The following ZDHHC2 variants were observed in gnomAD, a reference collection of about 807,000 sequenced individuals.
ZDHHC2 encodes zDHHC palmitoyltransferase 2.
A neutral mutation model predicts 55.6 loss-of-function variants in ZDHHC2; 51 were observed. The ratio of observed to expected loss-of-function variants is 0.92; its 90% confidence interval spans 0.73 to 1.16. The LOEUF (loss-of-function observed/expected upper bound fraction) is 1.16. Among genes scored for constraint, ZDHHC2 ranks in the 50% most tolerant of loss-of-function variants. The pLI is 0.00. For synonymous variants in ZDHHC2, 199 were observed against 152.9 expected (o/e 1.30, Z -2.22); for missense variants, 491 against 442.4 (o/e 1.11, Z -0.99).
At chr8:17,176,640 T>G (rs1805147639) in intron 1 of ZDHHC2, among the ~76,000 whole-genome samples, 1 of 152,086 alleles carries the variant, frequency 6.6e-6, no homozygotes, top group Non-Finnish European at 1.5e-5. Flanking sequence ...TACCACCCAG[T>G]TCACTGCCAG....
In ZDHHC2 at chr8:17,222,492, T is replaced by TAA. The variant is rs1807965658; in HGVS notation, c.*2272_*2273dup. 6.6e-6 allele frequency: 1 copy of TAA among 151,922 alleles called. No homozygotes were observed. Among genetic ancestry groups the TAA allele is most frequent in the South Asian group, 2.1e-4 (1 of 4,838 alleles). 9.4% of individuals were successfully genotyped at this position (151,922 alleles called of 1,614,324 possible). On this transcript the variant is annotated 3_prime_UTR_variant, in exon 13 of 13. Coordinates refer to ENST00000262096, the MANE Select transcript of ZDHHC2 (RefSeq NM_016353.5). The stretch of plus-strand genomic sequence containing the variant: ...CTGTCCTTATTGTCCATTAAACTGA[T>TAA]AATTTTGATTTTTCTTGCTTTTATA...
chr8:17,208,031 C>A lies in ZDHHC2; in HGVS notation c.669C>A (p.Val223=). The A allele has an allele frequency of 6.3e-7, 1 of 1,594,286 alleles. No individual in the cohort carries two copies. The highest frequency in any genetic ancestry group is 8.6e-7 in the Non-Finnish European group (1 of 1,169,260). Residue 223 remains valine, a synonymous_variant, in exon 8 of 13, where the codon GTC becomes GTA. Transcript: ENST00000262096. ...TCTTTGCTGCAGCTATGTTTTCTGT[C>A]AGCTTGTCTTCTCTGTTTGGCTATC... ...FLFFAAAMFS[V]SLSSLFGYHC... is the part of the protein sequence containing the mutation.
intron 10 of ZDHHC2, among the ~76,000 whole-genome samples, chr8:17,214,742 C>A (rs1807563183): frequency 6.6e-6 from 1 of 151,850 alleles, no homozygotes; most frequent in South Asian, 2.1e-4. Flanking sequence ...GTCCACTCTA[C>A]AAAAAATAAA....
At chr8:17,196,279 C>A (rs1563158749) in intron 4 of ZDHHC2, among the ~76,000 whole-genome samples, 1 of 152,042 alleles carries the variant, frequency 6.6e-6, no homozygotes, top group Admixed American at 6.6e-5. Flanking sequence ...ATTATGGTAG[C>A]CGCTAGCCCC....
At chr8:17,199,306 A>G (rs1414118665) in intron 6 of ZDHHC2, among the ~76,000 whole-genome samples, 1 of 152,060 alleles carries the variant, frequency 6.6e-6, no homozygotes, top group Non-Finnish European at 1.5e-5. Context: ...AGGCTAGTCA[A>G]CCCATACAAG....
chr8:17,160,133 C>T (rs547117005), intron 1 of ZDHHC2, among the ~76,000 whole-genome samples: 2 of 152,314 alleles, frequency 1.3e-5, no homozygotes, highest in African/African-American at 2.4e-5. Flanking sequence ...GTGTTAACTT[C>T]GCTTGTTGAA....
Position 17,202,734 on chromosome 8 carries a change from T to C in ZDHHC2, c.477-2921T>C, listed in dbSNP as rs200630637. 6.8e-3 allele frequency among the ~76,000 whole-genome samples: 1,021 copies of C among 149,718 alleles called. 7 individuals are homozygous for C. The highest frequency in any genetic ancestry group is 0.014 in the Middle Eastern group (4 of 280). ...TATTTCTTCTAGTTATATATATATA[T>C]ACACACACACACACACACACATATA... On this transcript the variant is annotated intron_variant, in intron 6 of 12. Transcript: ENST00000262096.
chr8:17,206,052 C>T (rs181898855), intron 7 of ZDHHC2, among the ~76,000 whole-genome samples: 35 of 152,284 alleles, frequency 2.3e-4, no homozygotes, highest in African/African-American at 7.9e-4. Flanking sequence ...TTGAACAAGA[C>T]GATGCTTTTG....
intron 3 of ZDHHC2, among the ~76,000 whole-genome samples, chr8:17,195,199 T>C (rs1418830121): frequency 6.6e-6 from 1 of 152,210 alleles, no homozygotes; most frequent in Non-Finnish European, 1.5e-5. Context: ...ATGTAACTCA[T>C]ATTTTGTTGG....
In ZDHHC2 at chr8:17,189,527, G is replaced by A. The variant is rs953071587; in HGVS notation, c.252+3102G>A. Among the ~76,000 whole-genome samples the A allele has an allele frequency of 3.9e-5, 6 of 152,246 alleles. No individual in the cohort carries two copies. The East Asian group carries it at 9.6e-4, about 24-fold the overall frequency. ...AGAGATACTTTTTAAGTGACTAAAA[G>A]TAGGGAAGAAGTTATTCATACACAT... On this transcript the variant is annotated intron_variant, in intron 3 of 12. Coordinates refer to ENST00000262096, the MANE Select transcript of ZDHHC2 (RefSeq NM_016353.5).
chr8:17,210,428 C>A lies in ZDHHC2; in HGVS notation c.898C>A (p.Gln300Lys), dbSNP rs941799013. The stretch of plus-strand genomic sequence containing the variant: ...CTCCTTTCCAACTTGCCTTGTTAAC[C>A]AGGATCCTGAACAAGCATCTACTCC... ...GCSFPTCLVN[Q>K]DPEQASTPAG... The change falls in exon 10 of 13, where the codon CAG becomes AAG. Residue 300 changes from glutamine (Q) to lysine (K), a missense_variant. Physicochemically the swap from Gln to Lys is moderately conservative, Grantham distance 53 (BLOSUM62 1). Transcript: ENST00000262096. 3.7e-6 allele frequency: 6 copies of A among 1,613,068 alleles called. No individual in the cohort carries two copies. Among genetic ancestry groups the A allele is most frequent in the Non-Finnish European group, 4.2e-6 (5 of 1,179,502 alleles).
At chr8:17,193,485 C>T (rs1057361781) in intron 3 of ZDHHC2, among the ~76,000 whole-genome samples, 3 of 152,242 alleles carry the variant, frequency 2.0e-5, no homozygotes, top group East Asian at 3.9e-4. Flanking sequence ...CAGTCAGACC[C>T]GAAGTCAGGA....
chr8:17,204,563 TAGAA>T (rs1383995614), intron 6 of ZDHHC2, among the ~76,000 whole-genome samples: 2 of 152,012 alleles, frequency 1.3e-5, no homozygotes, highest in African/African-American at 4.8e-5. Context: ...AAAACTTTGA[TAGAA>T]AGAGAGTGAG....
Position 17,222,014 on chromosome 8 carries a change from C to CTGT in ZDHHC2, c.*1795_*1797dup, listed in dbSNP as rs1807941077. The CTGT allele has an allele frequency of 8.3e-6, 1 of 120,326 alleles. No individual in the cohort carries two copies. Among genetic ancestry groups the CTGT allele is most frequent in the Admixed American group, 9.5e-5 (1 of 10,550 alleles). The allele number at this position is 120,326 out of a possible 1,614,324, so 7.5% of individuals were successfully genotyped here. A position where few individuals can be genotyped will look rare whatever the true frequency, so the allele number is the denominator to read the frequency against. Reference sequence around the variant, plus strand: ...TTTTTTTTTTTTTCAAAGCACAGTACTGTTAGCTGTTTTTGTGGACAGGAT... The same window carrying CTGT: ...TTTTTTTTTTTTTCAAAGCACAGTACTGTTGTTAGCTGTTTTTGTGGACAGGAT... On this transcript the variant is annotated 3_prime_UTR_variant, in exon 13 of 13. Transcript: ENST00000262096.
intron 6 of ZDHHC2, among the ~76,000 whole-genome samples, chr8:17,199,742 C>G (rs1180427455): frequency 6.8e-6 from 1 of 146,504 alleles, no homozygotes; most frequent in Non-Finnish European, 1.5e-5. Context: ...TTTCCTTCTT[C>G]GTCCTTCTTC....
Position 17,215,305 on chromosome 8 carries a change from A to G in ZDHHC2, c.1019A>G (p.Gln340Arg), listed in dbSNP as rs777018863. Residue 340 changes from glutamine to arginine, a missense_variant, in exon 11 of 13, where the codon CAG becomes CGG. Gln to Arg is a conservative substitution (Grantham distance 43, BLOSUM62 1). Coordinates refer to ENST00000262096, the MANE Select transcript of ZDHHC2 (RefSeq NM_016353.5). ...CAGAGCCACCTTCTTACTGATTCTC[A>G]GTCTTGGACGGAGAGCAGCATAAAC... ...ESQSHLLTDSQSWTESSINPG... is the reference protein window; with the variant it reads ...ESQSHLLTDSRSWTESSINPG... 1.3e-6 allele frequency: 2 copies of G among 1,598,920 alleles called. No homozygotes were observed. The highest frequency in any genetic ancestry group is 1.7e-6 in the Non-Finnish European group (2 of 1,172,316).
intron 1 of ZDHHC2, among the ~76,000 whole-genome samples, chr8:17,182,855 G>A (rs568781174): frequency 2.0e-5 from 3 of 152,142 alleles, no homozygotes; most frequent in East Asian, 1.9e-4. Flanking sequence ...TCTGCCTCCC[G>A]GGTTCAAGCG....
chr8:17,186,231 G>A, intron 2 of ZDHHC2, 100 bp from the exon 3 acceptor site: 1 of 712,928 alleles, frequency 1.4e-6, no homozygotes, highest in Non-Finnish European at 2.3e-6. Flanking sequence ...TATTATAATT[G>A]GTAATTTGGT....
chr8:17,197,732 T>C, intron 5 of ZDHHC2, 81 bp downstream of exon 5: 2 of 1,414,130 alleles, frequency 1.4e-6, no homozygotes, highest in South Asian at 2.4e-5. Context: ...ACTGTTTTCC[T>C]GATTATCTTC....
Sources: gnomAD v4.1 joint callset for allele counts (sites outside exome capture counted in the v4.1 genomes callset) on GRCh38, gnomAD v4.1.1 for gene constraint, MANE v1.5 for transcripts, NCBI Gene and HGNC (gene_info 2026-07-23, HGNC 2026-07-21) for gene names.